E4F1: variants seen among roughly 807,000 people sequenced by gnomAD.
E4F1 encodes the protein transcription factor E4F1.
A neutral mutation model predicts 72.9 loss-of-function variants in E4F1; 30 were observed. The observed-to-expected ratio is 0.41, with a 90% confidence interval of 0.31 to 0.56. E4F1 has a LOEUF of 0.56. E4F1 is among the 20% of genes least tolerant of loss of function. The pLI is 0.25. For synonymous variants in E4F1, 542 were observed against 478.2 expected, an observed-to-expected ratio of 1.13 and a Z score of -1.74; for missense variants, 1,091 against 1,117.5, an observed-to-expected ratio of 0.98 and a Z score of 0.34.
intron 1 of E4F1, 38 bp from the exon 2 acceptor site, chr16:2,228,328 AGCCTCC>A: frequency 6.2e-7 from 1 of 1,611,938 alleles, no homozygotes; most frequent in Non-Finnish European, 8.5e-7. Context: ...CTGGCTGCCC[AGCCTCC>A]GCCTTCCCAG....
At chr16:2,226,514 G>A (rs955874544) in intron 1 of E4F1, among the ~76,000 whole-genome samples, 194 of 152,204 alleles carry the variant, frequency 1.3e-3, no homozygotes, top group African/African-American at 7.2e-5. Context: ...CCCTTTCTCC[G>A]CCCTCAAATT....
chr16:2,234,404 C>T lies in E4F1; in HGVS notation c.1593+16C>T. On this transcript the variant is annotated intron_variant, in intron 10 of 13. Coordinates refer to ENST00000301727, the MANE Select transcript of E4F1 (RefSeq NM_004424.5). ...CAAGACTAAGGTGGGTCTCTGGCCG[C>T]AGGACCCTGGCGCCTGATCCCCCCA... 1 of 1,612,114 alleles carries T rather than the reference C, an allele frequency of 6.2e-7. No homozygotes were observed. The highest frequency in any genetic ancestry group is 8.5e-7 in the Non-Finnish European group (1 of 1,179,416).
At chr16:2,225,820 G>T (rs1404826047) in intron 1 of E4F1, among the ~76,000 whole-genome samples, 2 of 151,334 alleles carry the variant, frequency 1.3e-5, no homozygotes, top group Non-Finnish European at 2.9e-5. Context: ...AAAAGGCTGG[G>T]CGCAATGGCT....
At chr16:2,229,364 C>CG (rs60013960) in intron 2 of E4F1, among the ~76,000 whole-genome samples, 13,282 of 152,176 alleles carry the variant, frequency 0.087, 1,858 homozygotes, top group African/African-American at 0.3. Flanking sequence ...GACCCTGGCC[C>CG]GGGGGTGAAG....
intron 3 of E4F1, 153 bp downstream of exon 3, chr16:2,229,828 C>T (rs545063260): frequency 1.7e-5 from 13 of 754,544 alleles, no homozygotes; most frequent in East Asian, 2.7e-5. Flanking sequence ...CGGGCACAGC[C>T]TGCAGGAGGA....
At chr16:2,234,831 C>A in intron 11 of E4F1, 28 bp from the exon 12 acceptor site, 1 of 1,547,430 alleles carries the variant, frequency 6.5e-7, no homozygotes, top group African/African-American at 1.4e-5. Context: ...CGGGGCTTGC[C>A]TAGCCCTGAC....
At position 2,228,447 on chromosome 16, in the gene E4F1, T is replaced by A; in HGVS notation, c.233T>A (p.Ile78Asn). Residue 78 changes from isoleucine to asparagine, a missense_variant, in exon 2 of 14, where the codon ATT (isoleucine) becomes AAT (asparagine). By Grantham distance (149) the Ile-to-Asn change is moderately radical (BLOSUM62 -3). This residue lies in a region of E4F1 where 362 missense variants were observed against 358.6 expected (regional missense o/e 1.01). Coordinates refer to ENST00000301727, the MANE Select transcript of E4F1 (RefSeq NM_004424.5). ...TALEDFVQHK[I>N]QKACQRAPPE... ...TTGGAGGATTTTGTTCAGCACAAGA[T>A]TCAGAAGGCCTGCCAGCGGGCCCCT... is the stretch of plus-strand genomic sequence containing the variant. The A allele has an allele frequency of 6.2e-7, 1 of 1,613,582 alleles. No individual in the cohort carries two copies. Among genetic ancestry groups the A allele is most frequent in the Non-Finnish European group, 8.5e-7 (1 of 1,180,024 alleles).
chr16:2,229,868 G>T, intron 3 of E4F1, 193 bp downstream of exon 3: 1 of 589,684 alleles, frequency 1.7e-6, no homozygotes, highest in Non-Finnish European at 3.0e-6. Flanking sequence ...CCTTCCTCAG[G>T]TGTCCACAGT....
At chr16:2,226,796 G>T (rs73500107) in intron 1 of E4F1, among the ~76,000 whole-genome samples, 2,629 of 152,362 alleles carry the variant, frequency 0.017, 68 homozygotes, top group African/African-American at 0.059. Flanking sequence ...TTGGCACACA[G>T]TGAGGGGGTG....
At chr16:2,231,846 C>G in intron 3 of E4F1, 1 of 329,594 alleles carries the variant, frequency 3.0e-6, no homozygotes, top group Non-Finnish European at 5.7e-6. Flanking sequence ...ACCCAAGGAC[C>G]TTGTCACCAG....
At chr16:2,229,867 G>C in intron 3 of E4F1, 192 bp downstream of exon 3, 1 of 595,716 alleles carries the variant, frequency 1.7e-6, no homozygotes, top group Non-Finnish European at 3.0e-6. Flanking sequence ...GCCTTCCTCA[G>C]GTGTCCACAG....
chr16:2,231,624 C>T (rs1434544118), intron 3 of E4F1: 2 of 154,562 alleles, frequency 1.3e-5, no homozygotes, highest in African/African-American at 2.4e-5. Flanking sequence ...CCAGCTTCCT[C>T]GCCTCAGGCT....
rs565702323 is a variant in E4F1 at position 2,233,314 on chromosome 16, G to A, written c.1057-124G>A. The A allele has an allele frequency of 2.5e-5, 36 of 1,440,420 alleles. No homozygotes were observed. In the African/African-American group the frequency reaches 4.4e-4, roughly 18 times the overall value. The allele number at this position is 1,440,420 out of a possible 1,614,324, so 89.2% of individuals were successfully genotyped here. A position where few individuals can be genotyped will look rare whatever the true frequency, so the allele number is the denominator to read the frequency against. The stretch of plus-strand genomic sequence containing the variant: ...GCTGGGCTTCCCACAGGGAGAGCAG[G>A]GCCAGTGGGAGCGCCATGGGGGTCT... On this transcript the variant is annotated intron_variant, in intron 7 of 13. Transcript: ENST00000301727.
In E4F1 at chr16:2,235,421, C is replaced by T; in HGVS notation, c.2204C>T (p.Thr735Ile). Reference sequence around the variant, plus strand: ...CTGGCCTCGGCCATCAGCGAGGGCACTGTGCTTGCCGCCCGGGCAGGGACA... The same window carrying T: ...CTGGCCTCGGCCATCAGCGAGGGCATTGTGCTTGCCGCCCGGGCAGGGACA... Reference protein sequence around the residue: ...MTLASAISEGTVLAARAGTSG... With the variant: ...MTLASAISEGIVLAARAGTSG... The change falls in exon 14 of 14, where the codon ACT (threonine) becomes ATT (isoleucine). Residue 735 changes from threonine to isoleucine, a missense_variant. Transcript: ENST00000301727. 2 of 1,612,414 alleles carry T rather than the reference C, an allele frequency of 1.2e-6. No homozygotes were observed. Among genetic ancestry groups the T allele is most frequent in the East Asian group, 2.2e-5 (1 of 44,860 alleles).
intron 2 of E4F1, 98 bp downstream of exon 2, chr16:2,228,621 G>A: frequency 2.8e-6 from 4 of 1,442,940 alleles, no homozygotes; most frequent in Non-Finnish European, 2.8e-6. Context: ...CGGTTCCGGG[G>A]GCCACGTGGG....
rs1418144833 is a variant in E4F1, at chr16:2,233,598, C to G, written c.1217C>G (p.Ala406Gly). The change falls in exon 8 of 14, where the codon GCA becomes GGA. Residue 406 changes from alanine to glycine, a missense_variant. Transcript: ENST00000301727. ...PAAGSSPQPLAVAAPQLPVLE... is the reference protein window; with the variant it reads ...PAAGSSPQPLGVAAPQLPVLE... ...GCCGGGTCCAGTCCCCAGCCCCTGG[C>G]AGTGGCAGCCCCGCAGCTGCCGGTA... 23 of 1,509,816 alleles carry G rather than the reference C, an allele frequency of 1.5e-5. No homozygotes were observed. In the East Asian group the frequency reaches 5.4e-4, roughly 35 times the overall value. The allele number at this position is 1,509,816 out of a possible 1,614,324, so 93.5% of individuals were successfully genotyped here. A position where few individuals can be genotyped will look rare whatever the true frequency, so the allele number is the denominator to read the frequency against.
At chr16:2,233,216 C>G (rs1333835016) in intron 7 of E4F1, 33 bp downstream of exon 7, 3 of 1,573,250 alleles carry the variant, frequency 1.9e-6, no homozygotes, top group South Asian at 1.2e-5. Flanking sequence ...GAGGGCTGCT[C>G]TGTCTTCTGC....
chr16:2,229,929 C>T (rs1049710738), intron 3 of E4F1: 16 of 457,820 alleles, frequency 3.5e-5, no homozygotes, highest in East Asian at 1.5e-4. Flanking sequence ...TGCTCTCTCC[C>T]GTCAGCTTTC....
At chr16:2,233,728 A>T in intron 8 of E4F1, 81 bp downstream of exon 8, 1 of 1,472,888 alleles carries the variant, frequency 6.8e-7, no homozygotes, top group South Asian at 1.3e-5. Flanking sequence ...GCCTCCCTGA[A>T]GTGGCTTTCT....
Sources: allele counts gnomAD v4.1 joint callset (sites outside exome capture counted in the v4.1 genomes callset), GRCh38; gene constraint gnomAD v4.1.1; regional missense constraint gnomAD v4.1.1; transcripts MANE v1.5; gene names NCBI Gene and HGNC (gene_info 2026-07-23, HGNC 2026-07-21).